SLC25A21: variants seen among roughly 807,000 people sequenced by gnomAD.
SLC25A21 encodes the protein mitochondrial 2-oxodicarboxylate carrier.
SLC25A21 carries 47 observed loss-of-function variants against 43.8 expected under a neutral mutation model. The ratio of observed to expected loss-of-function variants is 1.07; its 90% CI spans 0.85 to 1.37. The LOEUF (loss-of-function observed/expected upper bound fraction) is 1.37, where lower values mean the gene tolerates loss of function less well. SLC25A21 is among the 40% of genes most tolerant of loss of function. SLC25A21 has a pLI of 0.00. For synonymous variants in SLC25A21, 131 were observed against 121.3 expected (o/e 1.08, Z -0.52); for missense variants, 352 against 350.2 (o/e 1.00, Z -0.04).
intron 1 of SLC25A21, among the ~76,000 whole-genome samples, chr14:37,006,567 G>C (rs1960608603): frequency 6.6e-6 from 1 of 151,612 alleles, no homozygotes; most frequent in Admixed American, 6.6e-5. Flanking sequence ...CTACTAGCTG[G>C]GGGAAAAAAA....
intron 1 of SLC25A21, among the ~76,000 whole-genome samples, chr14:37,125,035 T>G (rs1345585592): frequency 6.6e-6 from 1 of 152,194 alleles, no homozygotes; most frequent in Non-Finnish European, 1.5e-5. Flanking sequence ...CATAGCAATG[T>G]GAGGACAGAC....
chr14:36,714,698 A>G (rs1330510533), intron 6 of SLC25A21, among the ~76,000 whole-genome samples: 2 of 152,250 alleles, frequency 1.3e-5, no homozygotes, highest in Non-Finnish European at 2.9e-5. Context: ...AGCCATTATC[A>G]TACGTGCTCA....
At chr14:36,680,793 T>G in intron 9 of SLC25A21, 74 bp from the exon 10 acceptor site, 2 of 1,391,434 alleles carry the variant, frequency 1.4e-6, no homozygotes, top group Non-Finnish European at 2.0e-6. Context: ...GGTTTCTGAA[T>G]CCATGATGTC....
intron 3 of SLC25A21, among the ~76,000 whole-genome samples, chr14:36,774,532 G>A (rs563222948): frequency 6.6e-4 from 100 of 152,230 alleles, no homozygotes; most frequent in African/African-American, 2.3e-3. Flanking sequence ...ATGAACAGAA[G>A]GCTTTATATC....
intron 1 of SLC25A21, among the ~76,000 whole-genome samples, chr14:37,061,757 T>C (rs538125308): frequency 1.7e-3 from 262 of 152,350 alleles, no homozygotes; most frequent in African/African-American, 6.0e-3. Flanking sequence ...GTGCAGCCCA[T>C]GTTATTGCAT....
chr14:37,040,352 GGAAA>G lies in SLC25A21; in HGVS notation c.70+131925_70+131928del, dbSNP rs1266543665. 8.5e-5 allele frequency among the ~76,000 whole-genome samples: 5 copies of G among 58,802 alleles called. 1 individual carries two copies. Among genetic ancestry groups the G allele is most frequent in the South Asian group, 9.6e-4 (2 of 2,084 alleles). The allele number at this position is 58,802 out of a possible 152,430, so 38.6% of individuals were successfully genotyped here. A position where few individuals can be genotyped will look rare whatever the true frequency, so the allele number is the denominator to read the frequency against. Reference sequence around the variant, plus strand: ...GGGAAGGAAGGAAGGAAGGAAGGAAGGAAAGAAAGAGAGAGAGAGAGAGAAAGAA... The same window carrying G: ...GGGAAGGAAGGAAGGAAGGAAGGAAGGAAAGAGAGAGAGAGAGAGAAAGAA... On this transcript the variant is annotated intron_variant, in intron 1 of 9. Coordinates refer to ENST00000331299, the MANE Select transcript of SLC25A21 (RefSeq NM_030631.4).
chr14:37,138,441 A>G (rs1330122880), intron 1 of SLC25A21, among the ~76,000 whole-genome samples: 2 of 152,160 alleles, frequency 1.3e-5, no homozygotes, highest in African/African-American at 4.8e-5. Flanking sequence ...AGAAAATGTG[A>G]AGATTTTCAT....
intron 1 of SLC25A21, among the ~76,000 whole-genome samples, chr14:36,993,279 G>C (rs918319431): frequency 3.3e-5 from 5 of 152,156 alleles, no homozygotes; most frequent in African/African-American, 1.2e-4. Context: ...TTGGAGAATG[G>C]TAATAAGGAA....
intron 7 of SLC25A21, among the ~76,000 whole-genome samples, chr14:36,689,099 C>G (rs1050212899): frequency 6.6e-6 from 1 of 152,228 alleles, no homozygotes; most frequent in Non-Finnish European, 1.5e-5. Context: ...ACTGGACTTA[C>G]AGTTCCACAT....
At chr14:36,708,406 C>T (rs1883179951) in intron 7 of SLC25A21, among the ~76,000 whole-genome samples, 3 of 152,182 alleles carry the variant, frequency 2.0e-5, no homozygotes, top group Admixed American at 2.0e-4. Context: ...TGACATTTCA[C>T]TGAATATCAT....
intron 2 of SLC25A21, among the ~76,000 whole-genome samples, chr14:36,854,141 G>C (rs1298925022): frequency 6.6e-6 from 1 of 152,156 alleles, no homozygotes; most frequent in Non-Finnish European, 1.5e-5. Flanking sequence ...CAGATACTGG[G>C]AGTGCAAATA....
At chr14:36,713,389 A>G (rs1232809226) in intron 6 of SLC25A21, among the ~76,000 whole-genome samples, 1 of 151,694 alleles carries the variant, frequency 6.6e-6, no homozygotes, top group African/African-American at 2.4e-5. Flanking sequence ...AGAGCTGACA[A>G]ATATTCAAGT....
intron 1 of SLC25A21, among the ~76,000 whole-genome samples, chr14:37,108,440 A>G (rs575782137): frequency 6.6e-6 from 1 of 152,322 alleles, no homozygotes; most frequent in African/African-American, 2.4e-5. Context: ...AAGCTTTGCT[A>G]ATTTCATTAT....
At chr14:36,837,699 G>A (rs1178818242) in intron 2 of SLC25A21, among the ~76,000 whole-genome samples, 1 of 152,122 alleles carries the variant, frequency 6.6e-6, no homozygotes, top group African/African-American at 2.4e-5. Context: ...ATGACACCTT[G>A]GCTTTGCAGT....
intron 1 of SLC25A21, among the ~76,000 whole-genome samples, chr14:37,096,265 G>T (rs969212931): frequency 1.3e-5 from 2 of 152,118 alleles, no homozygotes; most frequent in South Asian, 4.1e-4. Context: ...TAACAGAATT[G>T]TAGTTATAAA....
At chr14:36,921,084 T>C (rs17177809) in intron 1 of SLC25A21, among the ~76,000 whole-genome samples, 1,994 of 152,258 alleles carry the variant, frequency 0.013, 23 homozygotes, top group Non-Finnish European at 0.02. Context: ...AAACAACTTA[T>C]GGATTTTTAG....
intron 3 of SLC25A21, among the ~76,000 whole-genome samples, chr14:36,775,077 T>C (rs1332198641): frequency 6.6e-6 from 1 of 152,236 alleles, no homozygotes; most frequent in Non-Finnish European, 1.5e-5. Flanking sequence ...ACACTCATTC[T>C]TATCTTCATG....
chr14:36,753,515 T>C (rs1401643819), intron 3 of SLC25A21, among the ~76,000 whole-genome samples: 1 of 152,068 alleles, frequency 6.6e-6, no homozygotes, highest in Non-Finnish European at 1.5e-5. Flanking sequence ...GCTTTCCTTT[T>C]CATGTAAAGG....
chr14:36,710,771 T>C (rs574498694), intron 7 of SLC25A21, among the ~76,000 whole-genome samples: 2 of 152,294 alleles, frequency 1.3e-5, no homozygotes, highest in Non-Finnish European at 2.9e-5. Context: ...AAGATGATGA[T>C]AATAATTATC....
Sources: allele counts gnomAD v4.1 joint callset (sites outside exome capture counted in the v4.1 genomes callset), GRCh38; gene constraint gnomAD v4.1.1; transcripts MANE v1.5; gene names NCBI Gene and HGNC (gene_info 2026-07-23, HGNC 2026-07-21).